RPTOR: variants seen among roughly 807,000 people sequenced by gnomAD.
RPTOR encodes the protein regulatory associated protein of MTOR complex 1.
Under a neutral mutation model 169.9 loss-of-function variants are expected in RPTOR, and 21 were observed. The observed-to-expected ratio is 0.12, with a 90% confidence interval of 0.09 to 0.18. The LOEUF (loss-of-function observed/expected upper bound fraction) is 0.18. Ranked by LOEUF, RPTOR falls within the 10% of genes least tolerant of loss-of-function variation. The probability of loss-of-function intolerance (pLI) is 1.00; values close to 1 mark genes in which losing one functional copy is unlikely to be tolerated. For synonymous variants in RPTOR, 732 were observed against 753.2 expected, an observed-to-expected ratio of 0.97 and a Z score of 0.46; for missense variants, 1,133 against 1,855.9, an observed-to-expected ratio of 0.61 and a Z score of 7.16.
intron 3 of RPTOR, among the ~76,000 whole-genome samples, chr17:80,693,537 G>T (rs1384224839): frequency 6.6e-6 from 1 of 152,260 alleles, no homozygotes; most frequent in Non-Finnish European, 1.5e-5. Flanking sequence ...ATAAAGGAAA[G>T]AGTCGATGAT....
intron 3 of RPTOR, among the ~76,000 whole-genome samples, chr17:80,665,503 CA>C (rs759516713): frequency 1.3e-4 from 3 of 23,466 alleles, no homozygotes; most frequent in African/African-American, 7.3e-4. Context: ...CTTTCCTTTC[CA>C]TGTCCTTTCC....
intron 5 of RPTOR, among the ~76,000 whole-genome samples, chr17:80,744,472 TG>T (rs1376569230): frequency 4.7e-5 from 5 of 105,942 alleles, no homozygotes; most frequent in East Asian, 2.4e-4. Context: ...AGCACAGCCC[TG>T]GTTACTAGCA....
At chr17:80,908,578 T>C (rs1263666648) in intron 20 of RPTOR, among the ~76,000 whole-genome samples, 1 of 152,164 alleles carries the variant, frequency 6.6e-6, no homozygotes, top group African/African-American at 2.4e-5. Context: ...AGTTTTCCTT[T>C]TAGAAAGATT....
In RPTOR at chr17:80,957,869, C is replaced by CGGGACAATGCTGGGAG; in HGVS notation, c.3477+141_3477+156dup. 1 of 740,040 alleles carries CGGGACAATGCTGGGAG rather than the reference C, an allele frequency of 1.4e-6. No homozygotes were observed. Among genetic ancestry groups the CGGGACAATGCTGGGAG allele is most frequent in the Non-Finnish European group, 2.3e-6 (1 of 437,846 alleles). The allele number at this position is 740,040 out of a possible 1,614,324, so 45.8% of individuals were successfully genotyped here. A position where few individuals can be genotyped will look rare whatever the true frequency, so the allele number is the denominator to read the frequency against. Reference sequence around the variant, plus strand: ...GAGTCAGGGCCTGGGAGGACAGTGCCGGGACAATGCTGGGAGGAGACGTGG... The same window carrying CGGGACAATGCTGGGAG: ...GAGTCAGGGCCTGGGAGGACAGTGCCGGGACAATGCTGGGAGGGGACAATGCTGGGAGGAGACGTGG... On this transcript the variant is annotated intron_variant, in intron 29 of 33. Transcript: ENST00000306801. This position sits in a 1 kb window ranked among gnomAD's most constrained non-coding sequence, Gnocchi z 4.6.
At chr17:80,932,117 T>TA (rs1386333216) in intron 24 of RPTOR, among the ~76,000 whole-genome samples, 1 of 149,038 alleles carries the variant, frequency 6.7e-6, no homozygotes, top group African/African-American at 2.5e-5. Flanking sequence ...AACAGTCTAG[T>TA]AATAGAGGCA....
At chr17:80,880,305 T>G in intron 13 of RPTOR, 110 bp from the exon 14 acceptor site, 6 of 877,012 alleles carry the variant, frequency 6.8e-6, no homozygotes, top group Non-Finnish European at 1.1e-5. Context: ...AAGGAGGAAA[T>G]AATTGAGGTA....
At chr17:80,631,307 T>G (rs1292078603) in intron 2 of RPTOR, among the ~76,000 whole-genome samples, 1 of 152,130 alleles carries the variant, frequency 6.6e-6, no homozygotes, top group Admixed American at 6.5e-5. Context: ...CTCCACACTC[T>G]GTGCTGCCTC....
chr17:80,684,417 T>C (rs1262696020), intron 3 of RPTOR, among the ~76,000 whole-genome samples: 1 of 105,178 alleles, frequency 9.5e-6, no homozygotes, highest in Admixed American at 9.0e-5. Flanking sequence ...TATTTATTTA[T>C]TTATTTATTT....
chr17:80,957,467 C>T lies in RPTOR; in HGVS notation c.3371-157C>T, dbSNP rs1402101806. 2.6e-5 allele frequency among the ~76,000 whole-genome samples: 4 copies of T among 152,226 alleles called. No homozygotes were observed. Among genetic ancestry groups the T allele is most frequent in the Admixed American group, 6.5e-5 (1 of 15,286 alleles). ...ACGTGGGGCACACCAGGGTCCCTAGCGGGAGCTCATATGAGGCATATGGAC... is the reference window on the plus strand; with the variant it reads ...ACGTGGGGCACACCAGGGTCCCTAGTGGGAGCTCATATGAGGCATATGGAC... On this transcript the variant is annotated intron_variant, in intron 28 of 33. Coordinates refer to ENST00000306801, the MANE Select transcript of RPTOR (RefSeq NM_020761.3). The surrounding 1 kb of genome is among the most constrained non-coding windows in gnomAD (Gnocchi z 4.6).
chr17:80,760,236 A>G (rs1360041702), intron 6 of RPTOR, among the ~76,000 whole-genome samples: 4 of 152,038 alleles, frequency 2.6e-5, no homozygotes, highest in Non-Finnish European at 5.9e-5. Context: ...TTGCAGCACG[A>G]AAGAGCCACA....
At chr17:80,636,275 AC>A (rs1387760238) in intron 2 of RPTOR, among the ~76,000 whole-genome samples, 2 of 152,026 alleles carry the variant, frequency 1.3e-5, no homozygotes, top group Non-Finnish European at 2.9e-5. Flanking sequence ...TTCTACCCCA[AC>A]ATCACAACAC....
rs1398981886 is a variant in RPTOR at position 80,643,661 on chromosome 17, G to A, written c.266-67G>A. ...GTGTGTTATATAAGGAGAAACTGTG[G>A]AAGAGAGGCCTAGCAGAGGAGGAAA... On this transcript the variant is annotated intron_variant, in intron 2 of 33. Transcript: ENST00000306801. 11 of 1,194,778 alleles carry A rather than the reference G, an allele frequency of 9.2e-6. No individual in the cohort carries two copies. The African/African-American group carries it at 1.7e-4, about 18-fold the overall frequency. The allele number at this position is 1,194,778 out of a possible 1,614,324, so 74.0% of individuals were successfully genotyped here.
chr17:80,592,529 A>T (rs2065114886), intron 1 of RPTOR, among the ~76,000 whole-genome samples: 1 of 152,052 alleles, frequency 6.6e-6, no homozygotes, highest in South Asian at 2.1e-4. Flanking sequence ...CAGTTCAGCA[A>T]GCTCGTTTAG....
chr17:80,933,509 A>G (rs9902338), intron 24 of RPTOR, among the ~76,000 whole-genome samples: 28,074 of 152,214 alleles, frequency 0.18, 2,700 homozygotes, highest in Admixed American at 0.22. Context: ...TCACACATTC[A>G]TAGGTCAGAA....
intron 4 of RPTOR, among the ~76,000 whole-genome samples, chr17:80,709,791 G>A (rs1042811718): frequency 2.0e-5 from 3 of 152,074 alleles, no homozygotes; most frequent in East Asian, 1.9e-4. Flanking sequence ...TCCGCCCGCC[G>A]GCTCCCTGCT....
chr17:80,839,242 T>C (rs1227786301), intron 10 of RPTOR, among the ~76,000 whole-genome samples: 1 of 152,128 alleles, frequency 6.6e-6, no homozygotes, highest in Non-Finnish European at 1.5e-5. Flanking sequence ...GTCCCACGGG[T>C]GGGATGACTG....
chr17:80,745,156 T>C (rs1226760333), intron 5 of RPTOR, among the ~76,000 whole-genome samples: 3 of 152,242 alleles, frequency 2.0e-5, no homozygotes, highest in African/African-American at 7.2e-5. Flanking sequence ...AGTATCTCCT[T>C]TAGTTGACTG....
At chr17:80,797,630 A>T (rs1184243405) in intron 7 of RPTOR, among the ~76,000 whole-genome samples, 1 of 152,268 alleles carries the variant, frequency 6.6e-6, no homozygotes, top group Admixed American at 6.5e-5. Context: ...TTACAAAGTG[A>T]GGCAGAAAAT....
chr17:80,886,771 G>T (rs1187852632), intron 17 of RPTOR, among the ~76,000 whole-genome samples: 1 of 152,192 alleles, frequency 6.6e-6, no homozygotes, highest in African/African-American at 2.4e-5. Flanking sequence ...TGGCCCGCGA[G>T]GACACCGTGG....
Sources: allele counts gnomAD v4.1 joint callset (sites outside exome capture counted in the v4.1 genomes callset), GRCh38; gene constraint gnomAD v4.1.1; non-coding constraint Gnocchi (gnomAD v3.1); transcripts MANE v1.5; gene names NCBI Gene and HGNC (gene_info 2026-07-23, HGNC 2026-07-21).